The following ANKS1A variants were observed in gnomAD, a reference collection of about 807,000 sequenced individuals.
The protein encoded by ANKS1A is ankyrin repeat and SAM domain-containing protein 1A.
A neutral mutation model predicts 120.3 loss-of-function variants in ANKS1A; 55 were observed. The observed-to-expected ratio is 0.46, with a 90% CI of 0.37 to 0.57. The LOEUF (loss-of-function observed/expected upper bound fraction) is 0.57, where lower values mean the gene tolerates loss of function less well. Among genes scored for constraint, ANKS1A ranks in the 20% least tolerant of loss-of-function variants. ANKS1A has a pLI of 0.00. For synonymous variants in ANKS1A, 590 were observed against 604.7 expected, an observed-to-expected ratio of 0.98 and a Z score of 0.36; for missense variants, 1,123 against 1,480.3, an observed-to-expected ratio of 0.76 and a Z score of 3.96.
chr6:34,998,933 G>A (rs776885309), intron 10 of ANKS1A, among the ~76,000 whole-genome samples: 94 of 152,218 alleles, frequency 6.2e-4, no homozygotes, highest in Non-Finnish European at 1.2e-3. Flanking sequence ...CCCTGCGGGG[G>A]ACTCCAACCA....
chr6:35,091,521 GGC>G (rs1452079500), downstream of ANKS1A: 1 of 738,686 alleles, frequency 1.4e-6, no homozygotes, highest in African/African-American at 1.9e-5. Flanking sequence ...TACACCGTTT[GGC>G]TGAGATGACG....
intron 3 of ANKS1A, among the ~76,000 whole-genome samples, chr6:34,973,936 CCCCTTCCCCTT>C (rs1250822407): frequency 4.2e-5 from 3 of 72,264 alleles, no homozygotes; most frequent in Non-Finnish European, 8.0e-5. Context: ...CCCTTCCCTT[CCCCTTCCCCTT>C]CCCTTCCCCT....
intron 1 of ANKS1A, among the ~76,000 whole-genome samples, chr6:34,914,217 A>G (rs9394256): frequency 0.091 from 11,924 of 131,556 alleles, 714 homozygotes; most frequent in East Asian, 0.38. Context: ...CACCTTACCC[A>G]GCCAATAGTT....
chr6:34,980,543 A>G (rs1771853622), intron 3 of ANKS1A, among the ~76,000 whole-genome samples: 1 of 152,226 alleles, frequency 6.6e-6, no homozygotes, highest in African/African-American at 2.4e-5. Context: ...AATTAAAGCA[A>G]TTGCAGAAAC....
chr6:34,904,928 C>T (rs766631787), intron 1 of ANKS1A, among the ~76,000 whole-genome samples: 6 of 152,170 alleles, frequency 3.9e-5, no homozygotes, highest in Non-Finnish European at 5.9e-5. Flanking sequence ...CTTCTGCCTC[C>T]GCCTCCTGAG....
At chr6:35,038,283 T>G (rs1775283151) in intron 11 of ANKS1A, 1 of 456,578 alleles carries the variant, frequency 2.2e-6, no homozygotes, top group Non-Finnish European at 4.4e-6. Context: ...GCACATTGTT[T>G]GCATGCCACA....
At chr6:35,093,246 A>C (rs536079020), downstream of ANKS1A, among the ~76,000 whole-genome samples, 1 of 152,146 alleles carries the variant, frequency 6.6e-6, no homozygotes, top group Non-Finnish European at 1.5e-5. Context: ...AACACCATAA[A>C]ATATTTATTA....
intron 1 of ANKS1A, among the ~76,000 whole-genome samples, chr6:34,949,118 A>G (rs565091710): frequency 1.3e-5 from 2 of 152,368 alleles, no homozygotes; most frequent in South Asian, 4.1e-4. Flanking sequence ...CTTGTTGTAA[A>G]CAAAGAAAAT....
chr6:35,050,039 A>G lies in ANKS1A; in HGVS notation c.2011-4060A>G, dbSNP rs1370542872. Among the ~76,000 whole-genome samples, 1 of 152,212 alleles carries G rather than the reference A, an allele frequency of 6.6e-6. No individual in the cohort carries two copies. The highest frequency in any genetic ancestry group is 1.5e-5 in the Non-Finnish European group (1 of 68,036). ...GGTGATGGGGGATGGAGACCTCTCCATACAGAGCTCCACCTCCCATCCCCA... is the reference window on the plus strand; with the variant it reads ...GGTGATGGGGGATGGAGACCTCTCCGTACAGAGCTCCACCTCCCATCCCCA... On this transcript the variant is annotated intron_variant, in intron 11 of 23. Coordinates refer to ENST00000360359, the MANE Select transcript of ANKS1A (RefSeq NM_015245.3). The surrounding 1 kb of genome is among the most constrained non-coding windows in gnomAD (Gnocchi z 4.3).
At chr6:34,960,352 C>T (rs780321824) in intron 1 of ANKS1A, among the ~76,000 whole-genome samples, 28 of 152,068 alleles carry the variant, frequency 1.8e-4, no homozygotes, top group African/African-American at 6.0e-4. Context: ...TTTGCTTATT[C>T]GCTCACTCTC....
intron 11 of ANKS1A, among the ~76,000 whole-genome samples, chr6:35,034,801 G>T (rs745822460): frequency 7.2e-5 from 11 of 152,334 alleles, no homozygotes; most frequent in Non-Finnish European, 1.3e-4. Context: ...AAGTGAGGCC[G>T]AAGAGAGGAA....
chr6:35,093,306 A>C (rs751920752), downstream of ANKS1A, among the ~76,000 whole-genome samples: 22 of 152,300 alleles, frequency 1.4e-4, no homozygotes, highest in South Asian at 4.1e-4. Context: ...GAGGGAGTGC[A>C]GGGAGATTCC....
intron 1 of ANKS1A, among the ~76,000 whole-genome samples, chr6:34,941,247 A>G (rs1428045513): frequency 6.6e-6 from 1 of 152,132 alleles, no homozygotes; most frequent in Admixed American, 6.5e-5. Context: ...TGGCCTCCCA[A>G]AGTGTTGGGA....
intron 10 of ANKS1A, among the ~76,000 whole-genome samples, chr6:35,007,303 A>AAGTGGAAAGCCTTAAT (rs1773514392): frequency 1.3e-5 from 2 of 152,238 alleles, no homozygotes; most frequent in Admixed American, 1.3e-4. Flanking sequence ...AAGCTGGCAG[A>AAGTGGAAAGCCTTAAT]AGTGGAAAGC....
At chr6:34,930,648 CA>C (rs1337533920) in intron 1 of ANKS1A, among the ~76,000 whole-genome samples, 9 of 152,138 alleles carry the variant, frequency 5.9e-5, no homozygotes, top group African/African-American at 2.2e-4. Context: ...TTGTTTCTGG[CA>C]AAGCCATTTT....
At chr6:34,946,966 G>T (rs1355695778) in intron 1 of ANKS1A, among the ~76,000 whole-genome samples, 1 of 152,140 alleles carries the variant, frequency 6.6e-6, no homozygotes, top group Admixed American at 6.5e-5. Context: ...TTGCATGCTG[G>T]CTTCTCATGC....
intron 12 of ANKS1A, among the ~76,000 whole-genome samples, chr6:35,054,726 C>A (rs140281504): frequency 6.6e-6 from 1 of 152,200 alleles, no homozygotes; most frequent in African/African-American, 2.4e-5. Flanking sequence ...TTTCTAAGCC[C>A]TAGTAGTGAG....
At chr6:35,055,576 C>T (rs1219177537) in intron 12 of ANKS1A, among the ~76,000 whole-genome samples, 3 of 152,152 alleles carry the variant, frequency 2.0e-5, no homozygotes, top group Admixed American at 6.5e-5. Flanking sequence ...GATCCGCCTG[C>T]GTTGGCCTTC....
In ANKS1A at chr6:34,889,507, C is replaced by A; in HGVS notation, c.105C>A (p.Gly35=). Residue 35 remains glycine, a synonymous_variant, in exon 1 of 24, where the codon GGC becomes GGA. Coordinates refer to ENST00000360359, the MANE Select transcript of ANKS1A (RefSeq NM_015245.3). This position sits in a 1 kb window ranked among gnomAD's most constrained non-coding sequence, Gnocchi z 5.5. ...GKRLSSGFGG[G]GGGGSGGGGG... ...GGCTCTCCTCAGGCTTTGGGGGCGG[C>A]GGCGGCGGTGGCTCTGGGGGCGGCG... 7.9e-7 allele frequency: 1 copy of A among 1,273,542 alleles called. No homozygotes were observed. Among genetic ancestry groups the A allele is most frequent in the South Asian group, 3.6e-5 (1 of 28,114 alleles). 78.9% of individuals were successfully genotyped at this position (1,273,542 alleles called of 1,614,324 possible).
Sources: allele counts gnomAD v4.1 joint callset (sites outside exome capture counted in the v4.1 genomes callset), GRCh38; gene constraint gnomAD v4.1.1; non-coding constraint Gnocchi (gnomAD v3.1); transcripts MANE v1.5; gene names NCBI Gene and HGNC (gene_info 2026-07-23, HGNC 2026-07-21).